Variants in AKAP1 observed in about 807,000 individuals in gnomAD.
AKAP1 encodes the protein A-kinase anchor protein 1, mitochondrial.
AKAP1 carries 32 observed loss-of-function variants against 79.8 expected under a neutral mutation model. That is an observed-to-expected ratio of 0.40 (90% confidence interval 0.30 to 0.54). The LOEUF (loss-of-function observed/expected upper bound fraction) is 0.54. Among genes scored for constraint, AKAP1 ranks in the 20% least tolerant of loss-of-function variants. AKAP1 has a pLI of 0.47. For missense variants in AKAP1, 961 were observed against 1,138.9 expected (o/e 0.84, Z 2.25); for synonymous variants, 416 against 466.7 (o/e 0.89, Z 1.40).
Position 57,120,567 on chromosome 17 carries a change from GT to G in AKAP1, c.*246del. ...AGCTGGCTTATGCTGGTTCTCAGCT[GT>G]TTAAAAAAAAAAAAAAAAAGGAATA... On this transcript the variant is annotated 3_prime_UTR_variant, in exon 11 of 11. Transcript: ENST00000337714. 1.9e-5 allele frequency: 5 copies of G among 261,712 alleles called. No homozygotes were observed. Among genetic ancestry groups the G allele is most frequent in the East Asian group, 6.4e-5 (1 of 15,504 alleles). 16.2% of individuals were successfully genotyped at this position (261,712 alleles called of 1,614,324 possible). A position where few individuals can be genotyped will look rare whatever the true frequency, so the allele number is the denominator to read the frequency against.
At position 57,120,468 on chromosome 17, in the gene AKAP1, C is replaced by A; in HGVS notation, c.*144C>A. 1 of 631,650 alleles carries A rather than the reference C, an allele frequency of 1.6e-6. No individual in the cohort carries two copies. Among genetic ancestry groups the A allele is most frequent in the Non-Finnish European group, 2.6e-6 (1 of 380,046 alleles). The allele number at this position is 631,650 out of a possible 1,614,324, so 39.1% of individuals were successfully genotyped here. ...CCATACTGTAGTCCTATTGAGAAGACATTTCGTCTCTGAGAAAAAAGGATG... is the reference window on the plus strand; with the variant it reads ...CCATACTGTAGTCCTATTGAGAAGAAATTTCGTCTCTGAGAAAAAAGGATG... On this transcript the variant is annotated 3_prime_UTR_variant, in exon 11 of 11. Coordinates refer to ENST00000337714, the MANE Select transcript of AKAP1 (RefSeq NM_003488.4).
At position 57,118,981 on chromosome 17, in the gene AKAP1, G is replaced by C; in HGVS notation, c.2575-1G>C. 6.2e-7 allele frequency: 1 copy of C among 1,613,262 alleles called. No homozygotes were observed. Among genetic ancestry groups the C allele is most frequent in the Non-Finnish European group, 8.5e-7 (1 of 1,179,276 alleles). On this transcript the variant is annotated splice_acceptor_variant, in intron 9 of 10. Transcript: ENST00000337714. LOFTEE classifies it high-confidence loss of function. The stretch of plus-strand genomic sequence containing the variant: ...TTATTCTTTCCACCCCCCTTCTTCA[G>C]GTGACAAGTTACAGTCCAACTGGTC...
At chr17:57,116,362 C>A (rs2144778511) in intron 7 of AKAP1, 101 bp downstream of exon 7, 1 of 1,445,556 alleles carries the variant, frequency 6.9e-7, no homozygotes, top group African/African-American at 1.4e-5. Flanking sequence ...GTGAGGGTTA[C>A]TTCTTCCCTC....
chr17:57,118,967 A>T lies in AKAP1; in HGVS notation c.2575-15A>T. The T allele has an allele frequency of 6.2e-7, 1 of 1,611,798 alleles. No individual in the cohort carries two copies. The highest frequency in any genetic ancestry group is 8.5e-7 in the Non-Finnish European group (1 of 1,178,342). ...AAAACCTAACCATATTATTCTTTCCACCCCCCTTCTTCAGGTGACAAGTTA... is the reference window on the plus strand; with the variant it reads ...AAAACCTAACCATATTATTCTTTCCTCCCCCCTTCTTCAGGTGACAAGTTA... On this transcript the variant is annotated splice_polypyrimidine_tract_variant and intron_variant, in intron 9 of 10. Coordinates refer to ENST00000337714, the MANE Select transcript of AKAP1 (RefSeq NM_003488.4).
Position 57,105,857 on chromosome 17 carries a change from G to T in AKAP1, c.393G>T (p.Leu131=), listed in dbSNP as rs1369204261. ...CACGCAGAGATGACAGTACAAAGCT[G>T]GAGCTAGCCCTGACAGGTGGTGAAG... The part of the protein sequence containing the change: ...PGTRRDDSTK[L]ELALTGGEAK... The change falls in exon 2 of 11, where the codon CTG becomes CTT. Residue 131 remains leucine, a synonymous_variant. Coordinates refer to ENST00000337714, the MANE Select transcript of AKAP1 (RefSeq NM_003488.4). 2 of 1,614,238 alleles carry T rather than the reference G, an allele frequency of 1.2e-6. No individual in the cohort carries two copies. The highest frequency in any genetic ancestry group is 4.5e-5 in the East Asian group (2 of 44,886).
In AKAP1 at chr17:57,105,733, C is replaced by T. The variant is rs766608498; in HGVS notation, c.269C>T (p.Ala90Val). ...KELSTVSKLP[A>V]EPPALLQTHP... Reference sequence around the variant, plus strand: ...CTGTCCACCGTGAGCAAGCTGCCTGCAGAGCCCCCAGCATTGCTCCAGACA... The same window carrying T: ...CTGTCCACCGTGAGCAAGCTGCCTGTAGAGCCCCCAGCATTGCTCCAGACA... The change falls in exon 2 of 11, where the codon GCA becomes GTA. Residue 90 changes from alanine (A) to valine (V), a missense_variant. Physicochemically the swap from Ala to Val is moderately conservative, Grantham distance 64 (BLOSUM62 0). Coordinates refer to ENST00000337714, the MANE Select transcript of AKAP1 (RefSeq NM_003488.4). 2.7e-5 allele frequency: 43 copies of T among 1,614,198 alleles called. No homozygotes were observed. The highest frequency in any genetic ancestry group is 3.6e-5 in the Non-Finnish European group (42 of 1,180,044).
intron 1 of AKAP1, chr17:57,093,168 GAT>G (rs1913885226): frequency 1.3e-5 from 2 of 152,360 alleles, no homozygotes; most frequent in Admixed American, 1.3e-4. Flanking sequence ...CACGCACAGG[GAT>G]ATAGGTAATT....
At chr17:57,091,362 G>C (rs1245322421) in intron 1 of AKAP1, among the ~76,000 whole-genome samples, 1 of 152,236 alleles carries the variant, frequency 6.6e-6, no homozygotes, top group East Asian at 1.9e-4. Flanking sequence ...GTACGGGACA[G>C]GTCCTGGTGC....
In AKAP1 at chr17:57,086,665, A is replaced by T; in HGVS notation, c.-25+1267A>T. The stretch of plus-strand genomic sequence containing the variant: ...TTTAGATTTGTCTCCAGTGAAATCT[A>T]GGCTGCTGGACCTGGTGCAACAGTA... On this transcript the variant is annotated intron_variant, in intron 1 of 10. Transcript: ENST00000337714. This position sits in a 1 kb window ranked among gnomAD's most constrained non-coding sequence, Gnocchi z 5.1. 1 of 322,896 alleles carries T rather than the reference A, an allele frequency of 3.1e-6. No individual in the cohort carries two copies. The highest frequency in any genetic ancestry group is 6.1e-6 in the Non-Finnish European group (1 of 163,600). The allele number at this position is 322,896 out of a possible 1,614,324, so 20.0% of individuals were successfully genotyped here. A position where few individuals can be genotyped will look rare whatever the true frequency, so the allele number is the denominator to read the frequency against.
chr17:57,099,044 C>T (rs536764487), intron 1 of AKAP1, among the ~76,000 whole-genome samples: 59 of 151,998 alleles, frequency 3.9e-4, no homozygotes, highest in African/African-American at 1.4e-3. Context: ...GGATTACAGG[C>T]GTGAGCCACC....
At chr17:57,109,944 GT>G in intron 2 of AKAP1, 80 bp from the exon 3 acceptor site, 5 of 1,559,962 alleles carry the variant, frequency 3.2e-6, no homozygotes, top group Non-Finnish European at 4.4e-6. Context: ...TCCTGGGAAT[GT>G]GAGTTTGGGA....
chr17:57,116,062 G>A, intron 6 of AKAP1, 49 bp from the exon 7 acceptor site: 1 of 1,590,996 alleles, frequency 6.3e-7, no homozygotes, highest in African/African-American at 1.3e-5. Context: ...GGCCCTTGGT[G>A]CCCTGCCCTG....
intron 2 of AKAP1, among the ~76,000 whole-genome samples, chr17:57,109,718 C>T (rs369834189): frequency 2.0e-5 from 3 of 152,216 alleles, no homozygotes; most frequent in Admixed American, 6.5e-5. Context: ...CTTCCCTGGG[C>T]GCAGTCTGTC....
At chr17:57,089,203 G>A (rs926058825) in intron 1 of AKAP1, among the ~76,000 whole-genome samples, 8 of 152,128 alleles carry the variant, frequency 5.3e-5, no homozygotes, top group Non-Finnish European at 1.0e-4. Context: ...TAGACCAAAC[G>A]TGCCCAGGGG....
chr17:57,117,014 G>C, intron 8 of AKAP1, 87 bp downstream of exon 8: 1 of 1,314,640 alleles, frequency 7.6e-7, no homozygotes, highest in East Asian at 2.3e-5. Flanking sequence ...CTCACCTGGA[G>C]GATTTATGCT....
chr17:57,097,687 G>A (rs1655899023), intron 1 of AKAP1, among the ~76,000 whole-genome samples: 1 of 152,242 alleles, frequency 6.6e-6, no homozygotes, highest in Admixed American at 6.5e-5. Context: ...TCTGGAGGTG[G>A]AGTGTCTTGG....
intron 1 of AKAP1, chr17:57,093,794 C>G (rs1913924967): frequency 7.1e-6 from 1 of 140,998 alleles, no homozygotes; most frequent in Non-Finnish European, 1.5e-5. Context: ...TTCAATTCTT[C>G]CAGCTGTCCC....
chr17:57,091,679 A>ATTTAT (rs1555618776), intron 1 of AKAP1, among the ~76,000 whole-genome samples: 2 of 150,896 alleles, frequency 1.3e-5, no homozygotes, highest in Non-Finnish European at 3.0e-5. Context: ...CATTAAAAAC[A>ATTTAT]TTATTTATTT....
chr17:57,119,449 C>T (rs539006417), intron 10 of AKAP1, among the ~76,000 whole-genome samples: 20 of 152,302 alleles, frequency 1.3e-4, no homozygotes, highest in African/African-American at 4.8e-4. Flanking sequence ...TACAGTGGCT[C>T]ACCCCTGTAA....
Sources: allele counts gnomAD v4.1 joint callset (sites outside exome capture counted in the v4.1 genomes callset), GRCh38; gene constraint gnomAD v4.1.1; non-coding constraint Gnocchi (gnomAD v3.1); transcripts MANE v1.5; gene names NCBI Gene and HGNC (gene_info 2026-07-23, HGNC 2026-07-21).